The following C10orf67 variants were observed in gnomAD, a reference collection of about 807,000 sequenced individuals.
C10orf67 encodes the protein chromosome 10 open reading frame 67, also known as uncharacterized protein C10orf67, mitochondrial.
Under a neutral mutation model 35.6 loss-of-function variants are expected in C10orf67, and 60 were observed. The ratio of observed to expected loss-of-function variants is 1.68; its 90% CI spans 1.37 to 2.09. The LOEUF (loss-of-function observed/expected upper bound fraction) is 2.09, where lower values mean the gene tolerates loss of function less well. C10orf67 is among the 30% of genes most tolerant of loss of function. C10orf67 has a pLI of 0.00. For synonymous variants in C10orf67, 167 were observed against 115.8 expected (o/e 1.44, Z -2.84); for missense variants, 474 against 330.2 (o/e 1.44, Z -3.38).
intron 5 of C10orf67, among the ~76,000 whole-genome samples, chr10:23,291,566 T>C (rs1843719981): frequency 6.6e-6 from 1 of 152,198 alleles, no homozygotes; most frequent in South Asian, 2.1e-4. Flanking sequence ...ATGGAGGCTG[T>C]GTCCGGGGAG....
At chr10:23,216,670 C>T (rs1841440505) in intron 15 of C10orf67, among the ~76,000 whole-genome samples, 3 of 152,158 alleles carry the variant, frequency 2.0e-5, no homozygotes, top group African/African-American at 7.2e-5. Context: ...AAGCTACATA[C>T]AGCAAAATAC....
chr10:23,320,656 G>C (rs367877818), intron 4 of C10orf67, 85 bp downstream of exon 4: 2 of 1,040,162 alleles, frequency 1.9e-6, no homozygotes, highest in Admixed American at 2.2e-5. Context: ...ACACAGACTG[G>C]GAAGCCAAGG....
rs185798874 is a variant in C10orf67 at position 23,320,086 on chromosome 10, T to C, written c.546+655A>G. 2.0e-5 allele frequency among the ~76,000 whole-genome samples: 3 copies of C among 152,310 alleles called. No individual in the cohort carries two copies. In the East Asian group the frequency reaches 5.8e-4, roughly 29 times the overall value. ...CAGAGAGTAACACACAGGAGATCCT[T>C]AAGGTTGACAGTCTGGCATGGAACG... On this transcript the variant is annotated intron_variant, in intron 4 of 15. Transcript: ENST00000636213.
rs180787285 is a variant in C10orf67 at position 23,263,794 on chromosome 10, G to T, written c.1200+2468C>A. ...ATTTTAACCTTGATATATGAAACTT[G>T]AGTGTTTGAAATGTTTTGCACATAT... is the stretch of plus-strand genomic sequence containing the variant. On this transcript the variant is annotated intron_variant, in intron 10 of 15. Transcript: ENST00000636213. Among the ~76,000 whole-genome samples, 264 of 152,314 alleles carry T rather than the reference G, an allele frequency of 1.7e-3. 3 individuals are homozygous for T. Among genetic ancestry groups the T allele is most frequent in the Admixed American group, 1.6e-3 (24 of 15,296 alleles).
At chr10:23,252,900 T>C (rs1564472945) in intron 10 of C10orf67, among the ~76,000 whole-genome samples, 1 of 152,094 alleles carries the variant, frequency 6.6e-6, no homozygotes, top group African/African-American at 2.4e-5. Flanking sequence ...TTCCCACGTG[T>C]TGTGGGAGAG....
At chr10:23,314,745 G>T (rs1844633328) in intron 4 of C10orf67, among the ~76,000 whole-genome samples, 1 of 152,056 alleles carries the variant, frequency 6.6e-6, no homozygotes, top group African/African-American at 2.4e-5. Context: ...TCAGCCAGAG[G>T]CTATACTCAA....
At chr10:23,231,431 T>G (rs1050831366) in intron 13 of C10orf67, among the ~76,000 whole-genome samples, 3 of 152,238 alleles carry the variant, frequency 2.0e-5, no homozygotes, top group Non-Finnish European at 2.9e-5. Context: ...TCTTAGGAGA[T>G]GTCAGAGCAG....
chr10:23,321,235 T>C (rs1390156913), intron 3 of C10orf67, among the ~76,000 whole-genome samples: 1 of 152,208 alleles, frequency 6.6e-6, no homozygotes, highest in Non-Finnish European at 1.5e-5. Context: ...TTCCGATTAA[T>C]CAAATGATTT....
chr10:23,217,142 T>C (rs1245425695), intron 15 of C10orf67, among the ~76,000 whole-genome samples: 1 of 152,210 alleles, frequency 6.6e-6, no homozygotes, highest in Non-Finnish European at 1.5e-5. Context: ...TTTTTTTCCA[T>C]GTGATTGTTT....
In C10orf67 at chr10:23,263,384, C is replaced by T. The variant is rs534154860; in HGVS notation, c.1200+2878G>A. ...ATACCTATAGTAATAATTCTATATC[C>T]CATAATAACAATTTTTTTTTAAATC... On this transcript the variant is annotated intron_variant, in intron 10 of 15. Transcript: ENST00000636213. Among the ~76,000 whole-genome samples the T allele has an allele frequency of 1.5e-4, 23 of 152,034 alleles. No individual in the cohort carries two copies. The South Asian group carries it at 4.6e-3, about 30-fold the overall frequency.
At chr10:23,232,381 G>T (rs1251731501) in intron 13 of C10orf67, among the ~76,000 whole-genome samples, 1 of 152,096 alleles carries the variant, frequency 6.6e-6, no homozygotes, top group Non-Finnish European at 1.5e-5. Context: ...TTTGCATAAA[G>T]CATAAGAAAA....
intron 7 of C10orf67, among the ~76,000 whole-genome samples, chr10:23,287,539 C>T (rs1588655487): frequency 6.6e-6 from 1 of 152,144 alleles, no homozygotes; most frequent in East Asian, 1.9e-4. Flanking sequence ...AAAACCTAGG[C>T]AATACCATTC....
intron 15 of C10orf67, among the ~76,000 whole-genome samples, chr10:23,214,779 T>C (rs553000802): frequency 2.0e-5 from 3 of 152,258 alleles, no homozygotes; most frequent in African/African-American, 7.2e-5. Flanking sequence ...CCCCAGCACT[T>C]AGGGAGGCTA....
At chr10:23,286,143 A>G (rs146929095) in intron 7 of C10orf67, among the ~76,000 whole-genome samples, 102 of 151,736 alleles carry the variant, frequency 6.7e-4, no homozygotes, top group African/African-American at 2.3e-3. Flanking sequence ...TGTAATCCTA[A>G]CACTTTGGGA....
intron 10 of C10orf67, among the ~76,000 whole-genome samples, chr10:23,264,477 C>G (rs1237313742): frequency 1.3e-5 from 2 of 152,178 alleles, no homozygotes; most frequent in East Asian, 3.9e-4. Flanking sequence ...AGGCCACAAT[C>G]ATTAGAGTCA....
At chr10:23,256,882 C>A (rs1427849486) in intron 10 of C10orf67, among the ~76,000 whole-genome samples, 1 of 152,104 alleles carries the variant, frequency 6.6e-6, no homozygotes, top group African/African-American at 2.4e-5. Context: ...AACTGTCTGG[C>A]CAACCAGGCT....
intron 13 of C10orf67, among the ~76,000 whole-genome samples, chr10:23,233,940 T>C (rs1296502618): frequency 6.6e-6 from 1 of 152,210 alleles, no homozygotes; most frequent in African/African-American, 2.4e-5. Context: ...GCCAGAAATA[T>C]ATCACACATG....
At chr10:23,255,748 G>A (rs1054559141) in intron 10 of C10orf67, among the ~76,000 whole-genome samples, 1 of 151,990 alleles carries the variant, frequency 6.6e-6, no homozygotes. Flanking sequence ...AAATTGACAC[G>A]AATTGGTTAT....
intron 4 of C10orf67, among the ~76,000 whole-genome samples, chr10:23,314,374 C>A (rs1469354250): frequency 1.3e-5 from 2 of 151,974 alleles, no homozygotes; most frequent in African/African-American, 2.4e-5. Context: ...ATAATCCCAG[C>A]ACCTTGGGAG....
Sources: allele counts gnomAD v4.1 joint callset (sites outside exome capture counted in the v4.1 genomes callset), GRCh38; gene constraint gnomAD v4.1.1; transcripts MANE v1.5; gene names NCBI Gene and HGNC (gene_info 2026-07-23, HGNC 2026-07-21).